MARCHF1: variants seen among roughly 807,000 people sequenced by gnomAD.
MARCHF1 encodes the protein membrane associated ring-CH-type finger 1, also known as E3 ubiquitin-protein ligase MARCHF1.
Under a neutral mutation model 54.2 loss-of-function variants are expected in MARCHF1, and 40 were observed. The observed-to-expected ratio is 0.74, with a 90% CI of 0.57 to 0.96. The LOEUF (loss-of-function observed/expected upper bound fraction) is 0.96. Among genes scored for constraint, MARCHF1 ranks in the 40% least tolerant of loss-of-function variants. The pLI, the probability that MARCHF1 is intolerant of heterozygous loss-of-function variation, is 0.00. For synonymous variants in MARCHF1, 236 were observed against 236.3 expected, an observed-to-expected ratio of 1.00 and a Z score of 0.01; for missense variants, 586 against 656.5, an observed-to-expected ratio of 0.89 and a Z score of 1.17.
intron 8 of MARCHF1, among the ~76,000 whole-genome samples, chr4:163,557,700 A>G (rs1191442365): frequency 1.3e-5 from 2 of 150,954 alleles, no homozygotes; most frequent in African/African-American, 4.9e-5. Flanking sequence ...AAAATGGGTT[A>G]GCCTTGCTTT....
intron 2 of MARCHF1, among the ~76,000 whole-genome samples, chr4:163,993,444 T>A (rs182871724): frequency 1.3e-5 from 2 of 152,222 alleles, no homozygotes; most frequent in Admixed American, 1.3e-4. Flanking sequence ...AAATACAGTA[T>A]AATGGATCAG....
At chr4:164,377,256 T>G (rs111966423) in intron 1 of MARCHF1, among the ~76,000 whole-genome samples, 7 of 152,350 alleles carry the variant, frequency 4.6e-5, no homozygotes, top group African/African-American at 1.2e-4. Flanking sequence ...TTAAATCATA[T>G]ATCTCTAACA....
chr4:163,983,319 C>T (rs1450101450), intron 3 of MARCHF1, among the ~76,000 whole-genome samples: 1 of 152,034 alleles, frequency 6.6e-6, no homozygotes, highest in Non-Finnish European at 1.5e-5. Flanking sequence ...GATTAAGAGG[C>T]CTTGATGAAG....
chr4:163,770,602 A>G (rs1347763880), intron 4 of MARCHF1, among the ~76,000 whole-genome samples: 2 of 136,980 alleles, frequency 1.5e-5, no homozygotes, highest in Non-Finnish European at 3.2e-5. Context: ...TCACGTAATA[A>G]TGATGGGGAT....
At chr4:163,603,445 A>G (rs1369516124) in intron 7 of MARCHF1, among the ~76,000 whole-genome samples, 3 of 152,098 alleles carry the variant, frequency 2.0e-5, no homozygotes, top group Non-Finnish European at 2.9e-5. Flanking sequence ...ATAAACCCTT[A>G]GTTACCAACC....
At chr4:163,768,811 A>G (rs371631767) in intron 4 of MARCHF1, among the ~76,000 whole-genome samples, 33 of 152,302 alleles carry the variant, frequency 2.2e-4, no homozygotes, top group East Asian at 1.3e-3. Context: ...ATAGGTAGCA[A>G]AGTAAGAACT....
At chr4:163,971,596 G>A (rs1237281634) in intron 3 of MARCHF1, among the ~76,000 whole-genome samples, 1 of 152,186 alleles carries the variant, frequency 6.6e-6, no homozygotes, top group African/African-American at 2.4e-5. Flanking sequence ...AGGCAAATGT[G>A]GCCAAATGGC....
intron 5 of MARCHF1, among the ~76,000 whole-genome samples, chr4:163,674,285 A>G (rs541893828): frequency 3.1e-4 from 47 of 152,304 alleles, no homozygotes; most frequent in African/African-American, 1.1e-3. Context: ...ACACTATGCA[A>G]TCTACCCGTG....
At chr4:164,220,983 T>C (rs890795671) in intron 1 of MARCHF1, among the ~76,000 whole-genome samples, 1 of 151,888 alleles carries the variant, frequency 6.6e-6, no homozygotes, top group Non-Finnish European at 1.5e-5. Flanking sequence ...ATCTTCATCC[T>C]AGTGAAGTCT....
At chr4:163,692,818 T>C (rs1425436109) in intron 5 of MARCHF1, among the ~76,000 whole-genome samples, 2 of 151,354 alleles carry the variant, frequency 1.3e-5, no homozygotes, top group African/African-American at 4.9e-5. Flanking sequence ...CAGTAGATCA[T>C]GGCAAATGCA....
At chr4:164,186,600 C>T (rs1209274370) in intron 1 of MARCHF1, among the ~76,000 whole-genome samples, 3 of 152,178 alleles carry the variant, frequency 2.0e-5, no homozygotes. Flanking sequence ...AAAGCTCTCC[C>T]ACTCCCAGTT....
intron 2 of MARCHF1, among the ~76,000 whole-genome samples, chr4:164,045,753 C>A (rs80054462): frequency 0.025 from 3,686 of 150,254 alleles, 139 homozygotes; most frequent in African/African-American, 0.08. Context: ...ACTTCCTCCT[C>A]CTGATTTTCT....
At chr4:163,561,964 T>C (rs2110978728) in intron 8 of MARCHF1, among the ~76,000 whole-genome samples, 1 of 152,286 alleles carries the variant, frequency 6.6e-6, no homozygotes, top group East Asian at 1.9e-4. Flanking sequence ...TTTCTCATCT[T>C]TTCTTGACTC....
At chr4:163,860,598 A>G (rs887957021) in intron 3 of MARCHF1, among the ~76,000 whole-genome samples, 12 of 152,208 alleles carry the variant, frequency 7.9e-5, no homozygotes, top group Admixed American at 6.5e-4. Flanking sequence ...CAGCCGAGAA[A>G]TACAGGCTCA....
intron 1 of MARCHF1, among the ~76,000 whole-genome samples, chr4:164,346,113 C>T (rs1220682994): frequency 6.6e-6 from 1 of 152,136 alleles, no homozygotes; most frequent in Non-Finnish European, 1.5e-5. Flanking sequence ...CAGCTTATGA[C>T]CACATTATTT....
At chr4:164,304,858 G>A (rs1205092802) in intron 1 of MARCHF1, among the ~76,000 whole-genome samples, 1 of 152,076 alleles carries the variant, frequency 6.6e-6, no homozygotes, top group African/African-American at 2.4e-5. Context: ...TGTTTGTTTG[G>A]TCTTATTTTG....
rs189980511 is a variant in MARCHF1 at position 164,189,901 on chromosome 4, G to A, written c.-322-78239C>T. 2.2e-4 allele frequency: 345 copies of A among 1,576,332 alleles called. 1 individual carries two copies. In the African/African-American group the frequency reaches 4.1e-3, roughly 19 times the overall value. ...GAGATAGATGTGAATGGTATTCTTC[G>A]AGTGACAGCTGAAGACAAGGGTACA... is the stretch of plus-strand genomic sequence containing the variant. On this transcript the variant is annotated intron_variant, in intron 1 of 9. Transcript: ENST00000514618.
At chr4:164,092,337 A>G (rs1755322225) in intron 2 of MARCHF1, among the ~76,000 whole-genome samples, 1 of 152,172 alleles carries the variant, frequency 6.6e-6, no homozygotes, top group Non-Finnish European at 1.5e-5. Flanking sequence ...GTAAGGCCAT[A>G]TTCACTATCA....
intron 1 of MARCHF1, among the ~76,000 whole-genome samples, chr4:164,367,898 C>T (rs1021999680): frequency 1.3e-5 from 2 of 151,744 alleles, no homozygotes; most frequent in African/African-American, 4.8e-5. Context: ...TCCATCATCT[C>T]TTAAGTCCAA....
Sources: allele counts gnomAD v4.1 joint callset (sites outside exome capture counted in the v4.1 genomes callset), GRCh38; gene constraint gnomAD v4.1.1; transcripts MANE v1.5; gene names NCBI Gene and HGNC (gene_info 2026-07-23, HGNC 2026-07-21).